Variants in RPRD2 observed in about 807,000 individuals in gnomAD.
The protein encoded by RPRD2 is regulation of nuclear pre-mRNA domain-containing protein 2.
In RPRD2, 12 loss-of-function variants were observed where a neutral mutation model predicts 104.4. The observed-to-expected ratio is 0.11, with a 90% CI of 0.07 to 0.19. The LOEUF is 0.19. RPRD2 is among the 10% of genes least tolerant of loss of function. RPRD2 has a pLI of 1.00. For synonymous variants in RPRD2, 714 were observed against 684.9 expected (o/e 1.04, Z -0.66); for missense variants, 1,543 against 1,790.1 (o/e 0.86, Z 2.49).
chr1:150,442,520 G>A (rs1666473043), intron 4 of RPRD2, among the ~76,000 whole-genome samples: 1 of 152,170 alleles, frequency 6.6e-6, no homozygotes, highest in South Asian at 2.1e-4. Context: ...GCTGCTGTGG[G>A]CAAACTGAGG....
In RPRD2 at chr1:150,460,106, T is replaced by C; in HGVS notation, c.1200T>C (p.Thr400=). The C allele has an allele frequency of 1.2e-6, 2 of 1,614,010 alleles. No homozygotes were observed. Among genetic ancestry groups the C allele is most frequent in the Non-Finnish European group, 8.5e-7 (1 of 1,179,880 alleles). Residue 400 remains threonine, a synonymous_variant, in exon 9 of 11, where the codon ACT becomes ACC. Transcript: ENST00000369068. ...EKPAEKSAVS[T]SVPTKPTENI... is the part of the protein sequence containing the mutation. ...CTGCAGAGAAGTCAGCTGTATCCAC[T>C]TCTGTACCTACAAAGCCAACAGAAA...
intron 1 of RPRD2, among the ~76,000 whole-genome samples, chr1:150,413,301 T>C (rs782600013): frequency 1.2e-4 from 19 of 152,014 alleles, no homozygotes; most frequent in Non-Finnish European, 2.4e-4. Context: ...AAGAGGAAGA[T>C]GATTAATAAA....
chr1:150,472,723 C>G lies in RPRD2; in HGVS notation c.3775C>G (p.Pro1259Ala), dbSNP rs752566385. The G allele has an allele frequency of 1.2e-6, 2 of 1,613,554 alleles. No individual in the cohort carries two copies. The highest frequency in any genetic ancestry group is 2.7e-5 in the African/African-American group (2 of 74,878). The change falls in exon 11 of 11, where the codon CCT becomes GCT. Residue 1259 changes from proline to alanine, a missense_variant. Pro to Ala is a conservative substitution (Grantham distance 27). Transcript: ENST00000369068. Reference sequence around the variant, plus strand: ...GGCCCATGCTGCCCCACCCCCTCCTCCTGGAGAGCACAGTGGAATTCCTTT... The same window carrying G: ...GGCCCATGCTGCCCCACCCCCTCCTGCTGGAGAGCACAGTGGAATTCCTTT... ...ALAHAAPPPP[P>A]GEHSGIPFPT...
chr1:150,448,577 A>G (rs1553895992), intron 7 of RPRD2, among the ~76,000 whole-genome samples: 1 of 152,242 alleles, frequency 6.6e-6, no homozygotes, highest in East Asian at 1.9e-4. Context: ...ATTTTTCAAA[A>G]AGCTTACATT....
chr1:150,408,098 G>A (rs587596649), intron 1 of RPRD2, among the ~76,000 whole-genome samples: 12 of 150,036 alleles, frequency 8.0e-5, no homozygotes, highest in Non-Finnish European at 1.6e-4. Flanking sequence ...TTATATAAAG[G>A]TATTATAATT....
intron 1 of RPRD2, among the ~76,000 whole-genome samples, chr1:150,394,092 C>T (rs587722850): frequency 6.6e-6 from 1 of 152,042 alleles, no homozygotes. Context: ...TAAAAGTTGC[C>T]CAGGCTGGAG....
chr1:150,468,450 T>A (rs1668416345), intron 10 of RPRD2, among the ~76,000 whole-genome samples: 1 of 152,178 alleles, frequency 6.6e-6, no homozygotes, highest in South Asian at 2.1e-4. Flanking sequence ...CTTAAAAAGA[T>A]GTTCTTTTGA....
At chr1:150,441,617 T>G (rs1666409080) in intron 3 of RPRD2, 2 of 318,668 alleles carry the variant, frequency 6.3e-6, no homozygotes, top group Non-Finnish European at 1.2e-5. Flanking sequence ...TTCTTCATTT[T>G]AATTTGTTAA....
At chr1:150,372,514 C>A (rs1660393387) in intron 1 of RPRD2, among the ~76,000 whole-genome samples, 1 of 151,732 alleles carries the variant, frequency 6.6e-6, no homozygotes, top group Non-Finnish European at 1.5e-5. Flanking sequence ...CAGACACACA[C>A]ACACACAAAG....
At position 150,474,849 on chromosome 1, in the gene RPRD2, G is replaced by A. The variant is rs1668810314; in HGVS notation, c.*1515G>A. ...TAGAACTAACTATAGGAAGTATGGG[G>A]TTGCTTTTTCCTCCAGTAGAATATT... On this transcript the variant is annotated 3_prime_UTR_variant, in exon 11 of 11. Transcript: ENST00000369068. The A allele has an allele frequency of 6.6e-6, 1 of 152,164 alleles. No homozygotes were observed. The highest frequency in any genetic ancestry group is 1.5e-5 in the Non-Finnish European group (1 of 68,038). 9.4% of individuals were successfully genotyped at this position (152,164 alleles called of 1,614,324 possible).
At chr1:150,420,263 G>A (rs897159723) in intron 2 of RPRD2, among the ~76,000 whole-genome samples, 3 of 151,138 alleles carry the variant, frequency 2.0e-5, no homozygotes, top group African/African-American at 7.3e-5. Flanking sequence ...TTTAAACCAT[G>A]TAAAGATATG....
At position 150,443,320 on chromosome 1, in the gene RPRD2, A is replaced by G. The variant is rs587748571; in HGVS notation, c.567+37A>G. The stretch of plus-strand genomic sequence containing the variant: ...AATTTGTTTAATATAGCAAAGTATT[A>G]TTCACCCCTTTTGTATTATAGTTTC... On this transcript the variant is annotated intron_variant, in intron 5 of 10. Coordinates refer to ENST00000369068, the MANE Select transcript of RPRD2 (RefSeq NM_015203.5). The G allele has an allele frequency of 9.1e-5, 124 of 1,368,466 alleles. No individual in the cohort carries two copies. In the South Asian group the frequency reaches 1.5e-3, roughly 17 times the overall value. 84.8% of individuals were successfully genotyped at this position (1,368,466 alleles called of 1,614,324 possible). A position where few individuals can be genotyped will look rare whatever the true frequency, so the allele number is the denominator to read the frequency against.
intron 1 of RPRD2, among the ~76,000 whole-genome samples, chr1:150,415,331 A>AAATAAT (rs143989499): frequency 0.014 from 2,076 of 150,172 alleles, 52 homozygotes; most frequent in African/African-American, 0.047. Flanking sequence ...ACTGTCTCAA[A>AAATAAT]AATAATAATA....
chr1:150,390,531 A>G (rs1275005508), intron 1 of RPRD2, among the ~76,000 whole-genome samples: 6 of 146,942 alleles, frequency 4.1e-5, no homozygotes, highest in African/African-American at 7.4e-5. Context: ...AAAAAGAACC[A>G]TGTATAAAAT....
Position 150,472,409 on chromosome 1 carries a change from G to T in RPRD2, c.3461G>T (p.Gly1154Val). ...SASELASLGG[G>V]GSGGLTGFKT... The stretch of plus-strand genomic sequence containing the variant: ...TCTGAGTTGGCATCCCTTGGGGGTG[G>T]GGGCAGCGGAGGCCTCACTGGCTTT... The change falls in exon 11 of 11, where the codon GGG becomes GTG. Residue 1154 changes from glycine to valine, a missense_variant. This residue lies in a region of RPRD2 where 880 missense variants were observed against 885.6 expected (regional missense o/e 0.99). Transcript: ENST00000369068. The T allele has an allele frequency of 1.2e-6, 2 of 1,613,936 alleles. No individual in the cohort carries two copies. The highest frequency in any genetic ancestry group is 1.7e-6 in the Non-Finnish European group (2 of 1,179,864).
At chr1:150,396,845 C>T (rs1308476364) in intron 1 of RPRD2, among the ~76,000 whole-genome samples, 1 of 152,036 alleles carries the variant, frequency 6.6e-6, no homozygotes, top group Non-Finnish European at 1.5e-5. Flanking sequence ...AAAATAGGCA[C>T]ATAGACCAAT....
At chr1:150,367,479 A>T (rs1197966699) in intron 1 of RPRD2, among the ~76,000 whole-genome samples, 3 of 151,946 alleles carry the variant, frequency 2.0e-5, no homozygotes, top group Admixed American at 6.6e-5. Context: ...TGGCATTCCC[A>T]GCCTTTCTGT....
rs142082207 is a variant in RPRD2 at position 150,444,512 on chromosome 1, G to C, written c.694+135G>C. ...TGTGGCACCTCTGGTTTCCCAGGTA[G>C]TTATTTCATGCATATAAATTTCATA... On this transcript the variant is annotated intron_variant, in intron 6 of 10. Transcript: ENST00000369068. The C allele has an allele frequency of 2.7e-5, 20 of 740,752 alleles. No individual in the cohort carries two copies. The East Asian group carries it at 4.4e-4, about 16-fold the overall frequency. The allele number at this position is 740,752 out of a possible 1,614,324, so 45.9% of individuals were successfully genotyped here. A position where few individuals can be genotyped will look rare whatever the true frequency, so the allele number is the denominator to read the frequency against.
intron 2 of RPRD2, among the ~76,000 whole-genome samples, chr1:150,434,011 A>T (rs1394380443): frequency 6.6e-6 from 1 of 152,122 alleles, no homozygotes; most frequent in African/African-American, 2.4e-5. Context: ...AGTGAGTTTT[A>T]CTCTGAGAAG....
Sources: gnomAD v4.1 joint callset for allele counts (sites outside exome capture counted in the v4.1 genomes callset) on GRCh38, gnomAD v4.1.1 for gene constraint, gnomAD v4.1.1 regional missense constraint, MANE v1.5 for transcripts, NCBI Gene and HGNC (gene_info 2026-07-23, HGNC 2026-07-21) for gene names.